The following PITX1 variants were observed in gnomAD, a reference collection of about 807,000 sequenced individuals.
PITX1 encodes the protein paired like homeodomain 1.
PITX1 carries 5 observed loss-of-function variants against 24.1 expected under a neutral mutation model. That is an observed-to-expected ratio of 0.21 (90% CI 0.11 to 0.44). PITX1 has a LOEUF of 0.44. Ranked by LOEUF, PITX1 falls within the 20% of genes least tolerant of loss-of-function variation. PITX1 has a pLI of 0.99. For synonymous variants in PITX1, 213 were observed against 208.9 expected, an observed-to-expected ratio of 1.02 and a Z score of -0.17; for missense variants, 401 against 455.4, an observed-to-expected ratio of 0.88 and a Z score of 1.09.
intron 2 of PITX1, 50 bp from the exon 3 acceptor site, chr5:135,029,371 A>ACCCCACCCCCTT (rs1377809396): frequency 5.4e-6 from 8 of 1,468,662 alleles, no homozygotes; most frequent in South Asian, 1.3e-5. Context: ...GCCGGGAGGG[A>ACCCCACCCCCTT]CCCCACCCCC....
intron 2 of PITX1, among the ~76,000 whole-genome samples, chr5:135,030,535 C>G (rs772537926): frequency 6.6e-6 from 1 of 152,196 alleles, no homozygotes; most frequent in African/African-American, 2.4e-5. Context: ...AAATGATTCT[C>G]TTGCTACCCT....
Position 135,033,645 on chromosome 5 carries a change from T to TGCTCCCA in PITX1, c.169+61_169+67dup. On this transcript the variant is annotated intron_variant, in intron 1 of 2. Transcript: ENST00000265340. The surrounding 1 kb of genome is among the most constrained non-coding windows in gnomAD (Gnocchi z 5.9). ...GTTGCGCGGCGCGGGCGTCAGGCCCTGCTCCCAGCTCCCCGTGCTCCGCGC... is the reference window on the plus strand; with the variant it reads ...GTTGCGCGGCGCGGGCGTCAGGCCCTGCTCCCAGCTCCCAGCTCCCCGTGCTCCGCGC... 6.6e-7 allele frequency: 1 copy of TGCTCCCA among 1,513,524 alleles called. No homozygotes were observed. Among genetic ancestry groups the TGCTCCCA allele is most frequent in the Non-Finnish European group, 9.0e-7 (1 of 1,114,720 alleles). The allele number at this position is 1,513,524 out of a possible 1,614,324, so 93.8% of individuals were successfully genotyped here.
intron 2 of PITX1, 51 bp from the exon 3 acceptor site, chr5:135,029,372 C>T (rs1044355060): frequency 6.8e-7 from 1 of 1,463,504 alleles, no homozygotes. Context: ...CCGGGAGGGA[C>T]CCCACCCCCT....
In PITX1 at chr5:135,031,259, G is replaced by A. The variant is rs377766916; in HGVS notation, c.402+17C>T. 7.2e-5 allele frequency: 116 copies of A among 1,608,612 alleles called. No homozygotes were observed. Among genetic ancestry groups the A allele is most frequent in the Middle Eastern group, 1.6e-4 (1 of 6,074 alleles). On this transcript the variant is annotated intron_variant, in intron 2 of 2. Coordinates refer to ENST00000265340, the MANE Select transcript of PITX1 (RefSeq NM_002653.5). The stretch of plus-strand genomic sequence containing the variant: ...GCCCTCTGCGCGGGTGCCCTTAGGC[G>A]CGCACCCCTTGCTCACCCGCACGCG...
rs2149559227 is a variant in PITX1, at chr5:135,028,738, T to C, written c.*41A>G. The C allele has an allele frequency of 6.9e-7, 1 of 1,454,972 alleles. No homozygotes were observed. Among genetic ancestry groups the C allele is most frequent in the Middle Eastern group, 2.5e-4 (1 of 4,072 alleles). 90.1% of individuals were successfully genotyped at this position (1,454,972 alleles called of 1,614,324 possible). On this transcript the variant is annotated 3_prime_UTR_variant, in exon 3 of 3. Coordinates refer to ENST00000265340, the MANE Select transcript of PITX1 (RefSeq NM_002653.5). Reference sequence around the variant, plus strand: ...TCCTCCGCGCCCGCGCCCGCGCCCTTCCCCGCTCCGGCCGCCGGCCCGCGT... The same window carrying C: ...TCCTCCGCGCCCGCGCCCGCGCCCTCCCCCGCTCCGGCCGCCGGCCCGCGT...
In PITX1 at chr5:135,031,550, C is replaced by A. The variant is rs747471176; in HGVS notation, c.170-42G>T. On this transcript the variant is annotated intron_variant, in intron 1 of 2. Transcript: ENST00000265340. ...GGGGAGCGGGTCACCTGGGCTTACG[C>A]CCCGTTGCACCCCGTCCCGGCTCCA... 203 of 1,479,642 alleles carry A rather than the reference C, an allele frequency of 1.4e-4. 1 individual carries two copies. The highest frequency in any genetic ancestry group is 1.8e-4 in the Non-Finnish European group (190 of 1,081,514). The allele number at this position is 1,479,642 out of a possible 1,614,324, so 91.7% of individuals were successfully genotyped here. A position where few individuals can be genotyped will look rare whatever the true frequency, so the allele number is the denominator to read the frequency against.
intron 2 of PITX1, among the ~76,000 whole-genome samples, chr5:135,030,543 C>T (rs6866326): frequency 0.04 from 6,099 of 152,206 alleles, 404 homozygotes; most frequent in African/African-American, 0.14. Flanking sequence ...CTCTTGCTAC[C>T]CTGGCAGGAA....
intron 2 of PITX1, among the ~76,000 whole-genome samples, chr5:135,031,006 C>A (rs1374779168): frequency 6.6e-6 from 1 of 152,208 alleles, no homozygotes; most frequent in African/African-American, 2.4e-5. Context: ...GGGGAGTCCC[C>A]TGGGGGCACA....
chr5:135,034,579 A>C (rs1160130227), upstream of PITX1: 1 of 152,310 alleles, frequency 6.6e-6, no homozygotes, highest in Admixed American at 6.5e-5. Flanking sequence ...CTCAGGCCTC[A>C]AATGACTTGT....
At chr5:135,029,802 T>C (rs1752418339) in intron 2 of PITX1, among the ~76,000 whole-genome samples, 1 of 152,236 alleles carries the variant, frequency 6.6e-6, no homozygotes, top group Non-Finnish European at 1.5e-5. Flanking sequence ...TATTTGATGT[T>C]TTCTTTTTGG....
At position 135,028,389 on chromosome 5, in the gene PITX1, C is replaced by G. The variant is rs1486022633; in HGVS notation, c.*390G>C. On this transcript the variant is annotated 3_prime_UTR_variant, in exon 3 of 3. Coordinates refer to ENST00000265340, the MANE Select transcript of PITX1 (RefSeq NM_002653.5). ...CGGGGACGCGGGATACGAGGTCGTC[C>G]TCCCCCGGCCGCTGGGCCTCGGCGC... is the stretch of plus-strand genomic sequence containing the variant. 1.3e-5 allele frequency: 2 copies of G among 155,070 alleles called. No homozygotes were observed. The highest frequency in any genetic ancestry group is 4.8e-5 in the African/African-American group (2 of 41,640). The allele number at this position is 155,070 out of a possible 1,614,324, so 9.6% of individuals were successfully genotyped here.
intron 1 of PITX1, chr5:135,032,885 T>C (rs978307882): frequency 1.3e-5 from 5 of 395,918 alleles, no homozygotes; most frequent in African/African-American, 8.7e-5. Flanking sequence ...TATTAAGAAA[T>C]GAACGCAGAA....
intron 1 of PITX1, 45 bp from the exon 2 acceptor site, chr5:135,031,553 C>G (rs1223236732): frequency 2.0e-6 from 3 of 1,478,954 alleles, no homozygotes; most frequent in Non-Finnish European, 2.8e-6. Flanking sequence ...GCTTACGCCC[C>G]GTTGCACCCC....
In PITX1 at chr5:135,028,946, C is replaced by G; in HGVS notation, c.778G>C (p.Gly260Arg). The part of the protein sequence containing the change: ...GSSLNSAMSP[G>R]ACPYGTPASP... ...GCGGGAGTGCCGTACGGGCAAGCGC[C>G]CGGCGACATGGCCGAGTTGAGCGAG... The change falls in exon 3 of 3, where the codon GGC (glycine) becomes CGC (arginine). Residue 260 changes from glycine to arginine, a missense_variant. By Grantham distance (125) the Gly-to-Arg change is moderately radical. Around this residue, in one of 3 missense-constraint regions of PITX1, gnomAD observed 217 missense variants for 219.8 expected, o/e 0.99. Coordinates refer to ENST00000265340, the MANE Select transcript of PITX1 (RefSeq NM_002653.5). 6.2e-7 allele frequency: 1 copy of G among 1,614,064 alleles called. No homozygotes were observed. The highest frequency in any genetic ancestry group is 8.5e-7 in the Non-Finnish European group (1 of 1,179,982).
At position 135,028,658 on chromosome 5, in the gene PITX1, G is replaced by A. The variant is rs1252535712; in HGVS notation, c.*121C>T. On this transcript the variant is annotated 3_prime_UTR_variant, in exon 3 of 3. Coordinates refer to ENST00000265340, the MANE Select transcript of PITX1 (RefSeq NM_002653.5). ...GAAGTGGGAGGAGGGGGCTGCGCAG[G>A]TGTGAGGTCCGCGGCGCGGTGAGCT... is the stretch of plus-strand genomic sequence containing the variant. 8 of 578,648 alleles carry A rather than the reference G, an allele frequency of 1.4e-5. No individual in the cohort carries two copies. The highest frequency in any genetic ancestry group is 2.0e-5 in the Non-Finnish European group (8 of 406,544). The allele number at this position is 578,648 out of a possible 1,614,324, so 35.8% of individuals were successfully genotyped here. A position where few individuals can be genotyped will look rare whatever the true frequency, so the allele number is the denominator to read the frequency against.
intron 1 of PITX1, chr5:135,031,851 C>G (rs1752457341): frequency 2.5e-6 from 1 of 394,608 alleles, no homozygotes; most frequent in Admixed American, 4.3e-5. Context: ...GTTTTGCGAA[C>G]TCTTAGGGGG....
In PITX1 at chr5:135,029,087, T is replaced by G; in HGVS notation, c.637A>C (p.Met213Leu). The G allele has an allele frequency of 6.2e-7, 1 of 1,614,058 alleles. No homozygotes were observed. The stretch of plus-strand genomic sequence containing the variant: ...GAGATGGAGCTGGGTGCTGAGAACA[T>G]GGACTGCGACGACAGCGGGCTCATG... The part of the protein sequence containing the change: ...NSMSPLSSQS[M>L]FSAPSSISSM... Residue 213 changes from methionine (M) to leucine (L), a missense_variant, in exon 3 of 3, where the codon ATG becomes CTG. This residue lies in a region of PITX1 where 217 missense variants were observed against 219.8 expected (regional missense o/e 0.99). Transcript: ENST00000265340.
chr5:135,032,219 C>T (rs1289442930), intron 1 of PITX1, among the ~76,000 whole-genome samples: 2 of 152,168 alleles, frequency 1.3e-5, no homozygotes, highest in Non-Finnish European at 2.9e-5. Flanking sequence ...CTGAAAGGGC[C>T]ACAAATTCTC....
At chr5:135,031,796 C>A in intron 1 of PITX1, 2 of 541,760 alleles carry the variant, frequency 3.7e-6, no homozygotes, top group Non-Finnish European at 6.5e-6. Context: ...CAGATTCTGA[C>A]CCTGCTGCTG....
Sources: allele counts gnomAD v4.1 joint callset (sites outside exome capture counted in the v4.1 genomes callset), GRCh38; gene constraint gnomAD v4.1.1; regional missense constraint gnomAD v4.1.1; non-coding constraint Gnocchi (gnomAD v3.1); transcripts MANE v1.5; gene names NCBI Gene and HGNC (gene_info 2026-07-23, HGNC 2026-07-21).